Variants in UGT1A9 observed in about 807,000 individuals in gnomAD.
UGT1A9 encodes UDP-glucuronosyltransferase 1A9.
A neutral mutation model predicts 45.0 loss-of-function variants in UGT1A9; 35 were observed. The ratio of observed to expected loss-of-function variants is 0.78; its 90% CI spans 0.59 to 1.03. The LOEUF is 1.03. UGT1A9 is among the 50% of genes least tolerant of loss of function. UGT1A9 has a pLI of 0.00. For synonymous variants in UGT1A9, 278 were observed against 250.6 expected (o/e 1.11, Z -1.03); for missense variants, 687 against 666.6 (o/e 1.03, Z -0.34).
intron 1 of UGT1A9, among the ~76,000 whole-genome samples, chr2:233,677,830 T>C (rs993863902): frequency 1.3e-5 from 2 of 151,152 alleles, no homozygotes; most frequent in African/African-American, 4.9e-5. Flanking sequence ...TTACTAGATA[T>C]ATGTAAAAAA....
chr2:233,691,258 A>G (rs779837737), intron 1 of UGT1A9: 26 of 985,570 alleles, frequency 2.6e-5, no homozygotes, highest in Non-Finnish European at 3.0e-5. Flanking sequence ...TCAAAGCAAG[A>G]TGCTGCCGCC....
In UGT1A9 at chr2:233,736,924, C is replaced by T. The variant is rs544385943; in HGVS notation, c.856-30110C>T. The stretch of plus-strand genomic sequence containing the variant: ...TCCTCTGGAAGCTTCATACCAGAGG[C>T]GCACCCACCTATATGAGGTGTCTGT... On this transcript the variant is annotated intron_variant, in intron 1 of 4. Coordinates refer to ENST00000354728, the MANE Select transcript of UGT1A9 (RefSeq NM_021027.3). Among the ~76,000 whole-genome samples the T allele has an allele frequency of 2.3e-4, 35 of 152,234 alleles. No homozygotes were observed. The South Asian group carries it at 6.0e-3, about 26-fold the overall frequency.
chr2:233,672,562 C>G lies in UGT1A9; in HGVS notation c.628C>G (p.His210Asp). 1 of 1,613,900 alleles carries G rather than the reference C, an allele frequency of 6.2e-7. No individual in the cohort carries two copies. Among genetic ancestry groups the G allele is most frequent in the Non-Finnish European group, 8.5e-7 (1 of 1,179,846 alleles). ...AMTFKERVRN[H>D]IMHLEEHLLC... ...GACTTTCAAGGAGAGAGTACGGAAC[C>G]ACATCATGCACTTGGAGGAACATTT... Residue 210 changes from histidine to aspartate, a missense_variant, in exon 1 of 5, where the codon CAC becomes GAC. Transcript: ENST00000354728.
At chr2:233,704,256 C>CTTTTT (rs59925871) in intron 1 of UGT1A9, among the ~76,000 whole-genome samples, 19 of 123,678 alleles carry the variant, frequency 1.5e-4, no homozygotes, top group African/African-American at 4.6e-4. Flanking sequence ...GCCTTTATTG[C>CTTTTT]TTTTTTTTTT....
chr2:233,754,390 C>G, intron 1 of UGT1A9: 1 of 303,204 alleles, frequency 3.3e-6, no homozygotes, highest in Admixed American at 4.5e-5. Flanking sequence ...AACAGAGGTC[C>G]TATCCGTGCA....
chr2:233,713,894 G>A (rs1009704522), intron 1 of UGT1A9: 26 of 1,613,234 alleles, frequency 1.6e-5, no homozygotes, highest in Non-Finnish European at 2.2e-5. Context: ...CAATGTTCCA[G>A]GCAAAACACT....
At chr2:233,767,202 T>G in intron 2 of UGT1A9, 37 bp downstream of exon 2, 15 of 1,613,508 alleles carry the variant, frequency 9.3e-6, no homozygotes, top group Non-Finnish European at 1.3e-5. Flanking sequence ...ATATCTATTT[T>G]CACAGGAGCG....
chr2:233,726,805 G>A (rs2077562832), intron 1 of UGT1A9, among the ~76,000 whole-genome samples: 1 of 152,144 alleles, frequency 6.6e-6, no homozygotes, highest in African/African-American at 2.4e-5. Flanking sequence ...AAGGCTTGGA[G>A]GTTTTCCTCT....
intron 1 of UGT1A9, among the ~76,000 whole-genome samples, chr2:233,722,549 T>C (rs2077022097): frequency 6.6e-6 from 1 of 152,228 alleles, no homozygotes; most frequent in East Asian, 1.9e-4. Flanking sequence ...CTAGTTTCTT[T>C]TGGTTGATTT....
At chr2:233,673,635 A>T (rs1306623826) in intron 1 of UGT1A9, among the ~76,000 whole-genome samples, 1 of 152,116 alleles carries the variant, frequency 6.6e-6, no homozygotes, top group Non-Finnish European at 1.5e-5. Flanking sequence ...CATAAATAAA[A>T]TTTTTCACTA....
At chr2:233,738,563 C>T (rs899585698) in intron 1 of UGT1A9, among the ~76,000 whole-genome samples, 1 of 152,184 alleles carries the variant, frequency 6.6e-6, no homozygotes, top group African/African-American at 2.4e-5. Context: ...GATGAGGAAT[C>T]TGTTGAGAAC....
chr2:233,710,040 G>A (rs2076105613), intron 1 of UGT1A9, among the ~76,000 whole-genome samples: 1 of 152,178 alleles, frequency 6.6e-6, no homozygotes, highest in Non-Finnish European at 1.5e-5. Flanking sequence ...TTTTGTGTCT[G>A]GCCTCTTTGG....
intron 1 of UGT1A9, among the ~76,000 whole-genome samples, chr2:233,715,364 AT>A (rs1460416152): frequency 6.7e-6 from 1 of 149,952 alleles, no homozygotes; most frequent in African/African-American, 2.4e-5. Context: ...TGAGACTTAT[AT>A]TTTCTTCACA....
chr2:233,743,680 G>A (rs555741522), intron 1 of UGT1A9: 52 of 1,367,218 alleles, frequency 3.8e-5, no homozygotes, highest in East Asian at 3.2e-4. Flanking sequence ...AGGGCCTGCC[G>A]CCTGTGCAGC....
chr2:233,748,384 T>G (rs546137113), intron 1 of UGT1A9, among the ~76,000 whole-genome samples: 6 of 151,768 alleles, frequency 4.0e-5, no homozygotes, highest in Admixed American at 6.6e-5. Flanking sequence ...ATGTCCTTCA[T>G]TGGGAAGGAG....
chr2:233,692,931 G>A lies in UGT1A9; in HGVS notation c.855+20142G>A. 7 of 1,584,824 alleles carry A rather than the reference G, an allele frequency of 4.4e-6. No individual in the cohort carries two copies. In the South Asian group the frequency reaches 7.2e-5, roughly 16 times the overall value. ...TGTGAAAAGCAGTGGTTAGTTTAGG[G>A]AAAATACCTAGGAGCCCTGTGATTT... On this transcript the variant is annotated intron_variant, in intron 1 of 4. Coordinates refer to ENST00000354728, the MANE Select transcript of UGT1A9 (RefSeq NM_021027.3).
intron 1 of UGT1A9, among the ~76,000 whole-genome samples, chr2:233,705,253 T>C (rs2075835852): frequency 6.6e-6 from 1 of 152,224 alleles, no homozygotes; most frequent in Admixed American, 6.5e-5. Flanking sequence ...TTCAGATTAT[T>C]CTATGGGGTC....
At chr2:233,719,208 G>A (rs2076737405) in intron 1 of UGT1A9, 1 of 1,614,098 alleles carries the variant, frequency 6.2e-7, no homozygotes, top group African/African-American at 1.3e-5. Context: ...GTGTTGTGTG[G>A]AGCTACTGCA....
chr2:233,743,560 C>T (rs1242175284), intron 1 of UGT1A9: 1 of 1,367,302 alleles, frequency 7.3e-7, no homozygotes. Context: ...AAATATTCTC[C>T]AGCGGGTTTC....
Sources: gnomAD v4.1 joint callset for allele counts (sites outside exome capture counted in the v4.1 genomes callset) on GRCh38, gnomAD v4.1.1 for gene constraint, MANE v1.5 for transcripts, NCBI Gene and HGNC (gene_info 2026-07-23, HGNC 2026-07-21) for gene names.